SLIT3: variants seen among roughly 807,000 people sequenced by gnomAD.
SLIT3 encodes the protein slit guidance ligand 3, also known as slit homolog 3 protein.
SLIT3 carries 68 observed loss-of-function variants against 184.0 expected under a neutral mutation model. The ratio of observed to expected loss-of-function variants is 0.37; its 90% CI spans 0.30 to 0.45. SLIT3 has a LOEUF of 0.45. Ranked by LOEUF, SLIT3 falls within the 20% of genes least tolerant of loss-of-function variation. The pLI, the probability that SLIT3 is intolerant of heterozygous loss-of-function variation, is 1.00. For missense variants in SLIT3, 1,707 were observed against 2,026.0 expected (o/e 0.84, Z 3.02); for synonymous variants, 831 against 828.6 (o/e 1.00, Z -0.05).
intron 18 of SLIT3, among the ~76,000 whole-genome samples, chr5:168,750,007 C>T (rs1754644286): frequency 6.6e-6 from 1 of 152,160 alleles, no homozygotes; most frequent in Non-Finnish European, 1.5e-5. Flanking sequence ...AATGACATTT[C>T]ATCAAGGAAG....
At chr5:168,707,835 G>T in intron 26 of SLIT3, 141 bp downstream of exon 26, 1 of 960,996 alleles carries the variant, frequency 1.0e-6, no homozygotes, top group Non-Finnish European at 1.5e-6. Context: ...TGCTGCTTTG[G>T]AGTGGTGACC....
intron 20 of SLIT3, among the ~76,000 whole-genome samples, chr5:168,725,991 T>A: frequency 6.6e-6 from 1 of 152,188 alleles, no homozygotes; most frequent in Non-Finnish European, 1.5e-5. Context: ...CACAGGGTGC[T>A]GGACTGGACC....
chr5:168,916,507 G>A (rs1362438050), intron 4 of SLIT3, among the ~76,000 whole-genome samples: 3 of 152,218 alleles, frequency 2.0e-5, no homozygotes, highest in Non-Finnish European at 2.9e-5. Flanking sequence ...GACTCAGCCC[G>A]GATGCATCCA....
intron 12 of SLIT3, among the ~76,000 whole-genome samples, chr5:168,776,013 A>G (rs1347778004): frequency 6.6e-6 from 1 of 152,186 alleles, no homozygotes; most frequent in East Asian, 1.9e-4. Flanking sequence ...AAACTGGGGG[A>G]AGGGGAAAAT....
intron 3 of SLIT3, among the ~76,000 whole-genome samples, chr5:169,213,293 A>C (rs1764330640): frequency 6.6e-6 from 1 of 152,194 alleles, no homozygotes; most frequent in Non-Finnish European, 1.5e-5. Context: ...ACCAGAAACC[A>C]CTGCTCAAGA....
chr5:169,213,004 T>C (rs979384384), intron 3 of SLIT3, among the ~76,000 whole-genome samples: 1 of 152,184 alleles, frequency 6.6e-6, no homozygotes, highest in Non-Finnish European at 1.5e-5. Context: ...TTGGTCTATA[T>C]ATCTGTTTTG....
intron 1 of SLIT3, among the ~76,000 whole-genome samples, chr5:169,265,403 C>T (rs142827660): frequency 2.1e-4 from 32 of 152,314 alleles, no homozygotes; most frequent in African/African-American, 6.7e-4. Context: ...TAGTGGCCAT[C>T]ATAAGCTGGT....
At chr5:168,997,854 G>C (rs555025857) in intron 4 of SLIT3, among the ~76,000 whole-genome samples, 2 of 152,226 alleles carry the variant, frequency 1.3e-5, no homozygotes, top group African/African-American at 4.8e-5. Context: ...TTTGTCCTTG[G>C]CACTTCACAT....
At position 168,720,695 on chromosome 5, in the gene SLIT3, A is replaced by C. The variant is rs1010761386; in HGVS notation, c.2483+1561T>G. The C allele has an allele frequency of 2.6e-5, 4 of 152,376 alleles. No homozygotes were observed. In the East Asian group the frequency reaches 7.7e-4, roughly 29 times the overall value. The allele number at this position is 152,376 out of a possible 1,614,324, so 9.4% of individuals were successfully genotyped here. On this transcript the variant is annotated intron_variant, in intron 23 of 35. Transcript: ENST00000519560. ...TGGTTGTGCTGATGTATCCATTCTC[A>C]AACTCCCCAGAGAAGGTGGATAATA... is the stretch of plus-strand genomic sequence containing the variant.
intron 4 of SLIT3, among the ~76,000 whole-genome samples, chr5:168,897,608 A>T (rs542242831): frequency 1.7e-4 from 24 of 141,628 alleles, no homozygotes; most frequent in African/African-American, 6.0e-4. Context: ...AAAGATACGG[A>T]TGTGAGGCAA....
intron 4 of SLIT3, chr5:169,012,635 C>T (rs1448108543): frequency 1.3e-5 from 2 of 152,234 alleles, no homozygotes; most frequent in Non-Finnish European, 2.9e-5. Flanking sequence ...CCCCATCCCC[C>T]ACACCATTTA....
chr5:168,807,299 T>C (rs570140129), intron 8 of SLIT3, among the ~76,000 whole-genome samples: 168 of 152,332 alleles, frequency 1.1e-3, no homozygotes, highest in Non-Finnish European at 2.2e-3. Flanking sequence ...CAAATGTAGA[T>C]AGACATATCC....
intron 4 of SLIT3, among the ~76,000 whole-genome samples, chr5:169,088,930 G>A (rs1486185668): frequency 6.8e-6 from 1 of 146,570 alleles, no homozygotes; most frequent in East Asian, 2.1e-4. Flanking sequence ...TGAGGCAGGA[G>A]AATCGCTCGT....
At chr5:168,992,287 A>C (rs62378619) in intron 4 of SLIT3, among the ~76,000 whole-genome samples, 8,355 of 152,264 alleles carry the variant, frequency 0.055, 272 homozygotes, top group African/African-American at 0.064. Context: ...AAATCCTTCA[A>C]AAAGTACAAG....
At chr5:169,013,702 T>A (rs537322593) in intron 4 of SLIT3, among the ~76,000 whole-genome samples, 2 of 152,178 alleles carry the variant, frequency 1.3e-5, no homozygotes, top group African/African-American at 4.8e-5. Context: ...CGGGGCCCCA[T>A]GCAGCTCCTC....
chr5:168,773,647 A>C (rs1316980416), intron 13 of SLIT3, among the ~76,000 whole-genome samples: 1 of 152,190 alleles, frequency 6.6e-6, no homozygotes, highest in Non-Finnish European at 1.5e-5. Flanking sequence ...GGAGCCATCA[A>C]AAAATGGGCT....
At chr5:168,817,719 T>G (rs904587704) in intron 7 of SLIT3, among the ~76,000 whole-genome samples, 1 of 152,208 alleles carries the variant, frequency 6.6e-6, no homozygotes, top group African/African-American at 2.4e-5. Flanking sequence ...CCCTCTTTTC[T>G]TTTCACTCAA....
intron 4 of SLIT3, among the ~76,000 whole-genome samples, chr5:168,980,921 C>A (rs909307873): frequency 6.6e-6 from 1 of 152,098 alleles, no homozygotes; most frequent in African/African-American, 2.4e-5. Context: ...ACCAAATGTC[C>A]ATCAAAAGCA....
intron 1 of SLIT3, among the ~76,000 whole-genome samples, chr5:169,264,130 C>T (rs1288052861): frequency 6.6e-6 from 1 of 151,972 alleles, no homozygotes; most frequent in African/African-American, 2.4e-5. Flanking sequence ...AGTGACCATG[C>T]AGAGTTTAAG....
Sources: gnomAD v4.1 joint callset for allele counts (sites outside exome capture counted in the v4.1 genomes callset) on GRCh38, gnomAD v4.1.1 for gene constraint, MANE v1.5 for transcripts, NCBI Gene and HGNC (gene_info 2026-07-23, HGNC 2026-07-21) for gene names.